ABL2: variants seen among roughly 807,000 people sequenced by gnomAD.
ABL2 encodes the protein tyrosine-protein kinase ABL2.
In ABL2, 49 loss-of-function variants were observed where a neutral mutation model predicts 107.7. That is an observed-to-expected ratio of 0.45 (90% CI 0.36 to 0.58). The LOEUF is 0.58. ABL2 is among the 20% of genes least tolerant of loss of function. ABL2 has a pLI of 0.00. For missense variants in ABL2, 1,245 were observed against 1,457.0 expected, an observed-to-expected ratio of 0.85 and a Z score of 2.37; for synonymous variants, 549 against 548.6, an observed-to-expected ratio of 1.00 and a Z score of -0.01.
Position 179,107,862 on chromosome 1 carries a change from G to C in ABL2, c.3405C>G (p.Ala1135=), listed in dbSNP as rs757599046. ...DCIPQTRNKF[A]FREAVSKLEL... ...CCAGTTTGCTCACAGCCTCTCGGAA[G>C]GCAAATTTGTTGCGAGTTTGAGGGA... The change falls in exon 12 of 12, where the codon GCC becomes GCG. Residue 1135 remains alanine, a synonymous_variant. Transcript: ENST00000502732. 17 of 1,614,108 alleles carry C rather than the reference G, an allele frequency of 1.1e-5. No individual in the cohort carries two copies. The highest frequency in any genetic ancestry group is 2.5e-6 in the Non-Finnish European group (3 of 1,180,044).
In ABL2 at chr1:179,099,523, CAATT is replaced by C. The variant is rs1247395710; in HGVS notation, c.*8191_*8194del. 8.9e-6 allele frequency: 2 copies of C among 224,578 alleles called. No individual in the cohort carries two copies. The highest frequency in any genetic ancestry group is 2.2e-5 in the African/African-American group (1 of 44,966). The allele number at this position is 224,578 out of a possible 1,614,324, so 13.9% of individuals were successfully genotyped here. A position where few individuals can be genotyped will look rare whatever the true frequency, so the allele number is the denominator to read the frequency against. ...AACAACTGAAAATATATTACAATAACAATTAAGAACAAATACCTGACAACACTGG... is the reference window on the plus strand; with the variant it reads ...AACAACTGAAAATATATTACAATAACAAGAACAAATACCTGACAACACTGG... On this transcript the variant is annotated 3_prime_UTR_variant, in exon 12 of 12. Transcript: ENST00000502732.
chr1:179,221,938 A>G (rs1036499644), intron 1 of ABL2: 1 of 234,892 alleles, frequency 4.3e-6, no homozygotes, highest in Non-Finnish European at 9.6e-6. Context: ...CATGATGTTT[A>G]TGTCAGGATC....
intron 3 of ABL2, among the ~76,000 whole-genome samples, chr1:179,130,936 A>ATTT (rs11382795): frequency 3.5e-5 from 5 of 142,616 alleles, no homozygotes; most frequent in Non-Finnish European, 1.5e-5. Flanking sequence ...TTTCAGGATA[A>ATTT]TTTTTTTTTT....
intron 1 of ABL2, among the ~76,000 whole-genome samples, chr1:179,208,614 A>G (rs978309995): frequency 2.0e-5 from 3 of 152,180 alleles, no homozygotes; most frequent in Admixed American, 1.3e-4. Flanking sequence ...GGAAACAACA[A>G]AACTTACAAT....
At chr1:179,194,200 AT>A (rs1009944032) in intron 1 of ABL2, among the ~76,000 whole-genome samples, 5 of 152,068 alleles carry the variant, frequency 3.3e-5, no homozygotes, top group African/African-American at 9.7e-5. Context: ...GTAGAAACAC[AT>A]TTTTTTTGAC....
intron 4 of ABL2, among the ~76,000 whole-genome samples, chr1:179,123,434 G>C (rs1480653402): frequency 6.6e-6 from 1 of 152,116 alleles, no homozygotes; most frequent in Non-Finnish European, 1.5e-5. Context: ...GAACCTGGGA[G>C]GTGGAGGTTG....
chr1:179,134,324 T>A (rs981993581), intron 1 of ABL2, among the ~76,000 whole-genome samples: 8 of 152,154 alleles, frequency 5.3e-5, no homozygotes, highest in Admixed American at 5.2e-4. Context: ...GGCAGGTGGA[T>A]CACCTGAGGT....
chr1:179,126,771 AAG>A lies in ABL2; in HGVS notation c.392-101_392-100del. 1 of 1,246,486 alleles carries A rather than the reference AAG, an allele frequency of 8.0e-7. No homozygotes were observed. Among genetic ancestry groups the A allele is most frequent in the Non-Finnish European group, 1.1e-6 (1 of 930,190 alleles). 77.2% of individuals were successfully genotyped at this position (1,246,486 alleles called of 1,614,324 possible). A position where few individuals can be genotyped will look rare whatever the true frequency, so the allele number is the denominator to read the frequency against. On this transcript the variant is annotated intron_variant, in intron 3 of 11. Transcript: ENST00000502732. The surrounding 1 kb of genome is among the most constrained non-coding windows in gnomAD (Gnocchi z 4.4). ...AACTTTAAACTCATTAAAAAAAAAA[AAG>A]AATCTAGAACTTTTATGCCAAATTT...
chr1:179,105,161 CA>C lies in ABL2; in HGVS notation c.*2556del, dbSNP rs1437040351. The C allele has an allele frequency of 3.0e-5, 7 of 230,292 alleles. No homozygotes were observed. The highest frequency in any genetic ancestry group is 1.1e-4 in the Admixed American group (2 of 17,686). 14.3% of individuals were successfully genotyped at this position (230,292 alleles called of 1,614,324 possible). On this transcript the variant is annotated 3_prime_UTR_variant, in exon 12 of 12. Coordinates refer to ENST00000502732, the MANE Select transcript of ABL2 (RefSeq NM_007314.4). ...TATCGTGCACCCACTGTAGGCAAGA[CA>C]GCTAGGTGCTGCCCCTGAGTAAGAC...
chr1:179,127,114 T>A (rs1655794071), intron 3 of ABL2, among the ~76,000 whole-genome samples: 1 of 152,102 alleles, frequency 6.6e-6, no homozygotes, highest in Non-Finnish European at 1.5e-5. Context: ...GGATAAGACA[T>A]GTGAGATACA....
chr1:179,222,158 GA>G (rs922216683), intron 1 of ABL2: 1 of 158,816 alleles, frequency 6.3e-6, no homozygotes, highest in African/African-American at 2.4e-5. Context: ...AGAAGAACAG[GA>G]TACTCTGCGG....
chr1:179,207,726 C>A (rs1662056121), intron 1 of ABL2, among the ~76,000 whole-genome samples: 1 of 152,112 alleles, frequency 6.6e-6, no homozygotes, highest in Middle Eastern at 3.2e-3. Context: ...TCTAAGGTCT[C>A]TTCAGGTTGT....
intron 1 of ABL2, among the ~76,000 whole-genome samples, chr1:179,223,964 C>CAAA (rs35954631): frequency 9.9e-6 from 1 of 100,958 alleles, no homozygotes; most frequent in Non-Finnish European, 2.0e-5. Context: ...TCTGTCTCTA[C>CAAA]AAAAAAAAAA....
chr1:179,166,132 A>G (rs1200642800), intron 1 of ABL2, among the ~76,000 whole-genome samples: 1 of 152,152 alleles, frequency 6.6e-6, no homozygotes, highest in Non-Finnish European at 1.5e-5. Context: ...ACCTGACGCT[A>G]GAAAACAACT....
At chr1:179,189,677 A>C (rs2102817538) in intron 1 of ABL2, among the ~76,000 whole-genome samples, 1 of 152,074 alleles carries the variant, frequency 6.6e-6, no homozygotes, top group East Asian at 1.9e-4. Flanking sequence ...TACTCTCACC[A>C]CTCAACACAA....
intron 10 of ABL2, chr1:179,110,936 G>A: frequency 1.3e-6 from 2 of 1,542,382 alleles, no homozygotes; most frequent in South Asian, 1.2e-5. Context: ...TGAAAGCTGT[G>A]GTTACTCTGC....
Position 179,108,338 on chromosome 1 carries a change from G to A in ABL2, c.2929C>T (p.Arg977Trp), listed in dbSNP as rs781010231. Residue 977 changes from arginine to tryptophan, a missense_variant, in exon 12 of 12, where the codon CGG becomes TGG. Around this residue, in one of 3 missense-constraint regions of ABL2, gnomAD observed 761 missense variants for 766.4 expected, o/e 0.99. Coordinates refer to ENST00000502732, the MANE Select transcript of ABL2 (RefSeq NM_007314.4). ...GGTGGGGCACACTTTGGTTTTACCC[G>A]TCGGGGTCGGTCCTTGTCTCCAGAG... ...TSSGDKDRPR[R>W]VKPKCAPPPP... The A allele has an allele frequency of 1.2e-5, 19 of 1,614,118 alleles. No individual in the cohort carries two copies. The highest frequency in any genetic ancestry group is 2.7e-5 in the African/African-American group (2 of 74,934).
chr1:179,219,883 C>T (rs1662778795), intron 1 of ABL2, among the ~76,000 whole-genome samples: 1 of 152,232 alleles, frequency 6.6e-6, no homozygotes, highest in Non-Finnish European at 1.5e-5. Flanking sequence ...TTTTCACATA[C>T]AACTCATATA....
At position 179,101,351 on chromosome 1, in the gene ABL2, G is replaced by A. The variant is rs1299783009; in HGVS notation, c.*6367C>T. The stretch of plus-strand genomic sequence containing the variant: ...CTAATTTCCTGTCCTTTGGATCTAG[G>A]ATATTGAGTCAGAAATGAAGGTATC... On this transcript the variant is annotated 3_prime_UTR_variant, in exon 12 of 12. Coordinates refer to ENST00000502732, the MANE Select transcript of ABL2 (RefSeq NM_007314.4). 4.1e-5 allele frequency: 8 copies of A among 195,810 alleles called. No homozygotes were observed. Among genetic ancestry groups the A allele is most frequent in the Non-Finnish European group, 2.1e-5 (2 of 95,236 alleles). 12.1% of individuals were successfully genotyped at this position (195,810 alleles called of 1,614,324 possible).
Sources: allele counts gnomAD v4.1 joint callset (sites outside exome capture counted in the v4.1 genomes callset), GRCh38; gene constraint gnomAD v4.1.1; regional missense constraint gnomAD v4.1.1; non-coding constraint Gnocchi (gnomAD v3.1); transcripts MANE v1.5; gene names NCBI Gene and HGNC (gene_info 2026-07-23, HGNC 2026-07-21).